Variants in COL11A1 observed in about 807,000 individuals in gnomAD.
COL11A1 encodes the protein collagen alpha-1(XI) chain.
COL11A1 carries 74 observed loss-of-function variants against 265.2 expected under a neutral mutation model. The ratio of observed to expected loss-of-function variants is 0.28; its 90% CI spans 0.23 to 0.34. COL11A1 has a LOEUF of 0.34. Among genes scored for constraint, COL11A1 ranks in the 10% least tolerant of loss-of-function variants. The pLI is 1.00. For synonymous variants in COL11A1, 816 were observed against 727.6 expected (o/e 1.12, Z -1.96); for missense variants, 2,165 against 2,263.6 (o/e 0.96, Z 0.88).
At chr1:102,946,777 A>C (rs536502974) in intron 42 of COL11A1, 72 bp downstream of exon 42, 3 of 1,207,220 alleles carry the variant, frequency 2.5e-6, no homozygotes, top group Admixed American at 3.8e-5. Flanking sequence ...TGAAAAGCTA[A>C]TATTATTGAA....
intron 46 of COL11A1, 93 bp downstream of exon 46, chr1:102,934,356 A>T (rs1057215354): frequency 1.1e-6 from 1 of 917,710 alleles, no homozygotes; most frequent in Non-Finnish European, 1.8e-6. Context: ...TTACGTAGAA[A>T]AAAAGAAAAA....
rs779307500 is a variant in COL11A1, at chr1:102,914,675, C to T, written c.3924+29G>A. ...CTCCAAGGTGAGTTTGGCATAAATG[C>T]CACATTAGAGGGGACCAAACTCACT... On this transcript the variant is annotated intron_variant, in intron 51 of 66. Transcript: ENST00000370096. 44 of 1,537,496 alleles carry T rather than the reference C, an allele frequency of 2.9e-5. No homozygotes were observed. In the Admixed American group the frequency reaches 7.3e-4, roughly 25 times the overall value.
chr1:103,063,517 C>A (rs2102213109), intron 4 of COL11A1, among the ~76,000 whole-genome samples: 1 of 151,910 alleles, frequency 6.6e-6, no homozygotes, highest in Middle Eastern at 3.4e-3. Flanking sequence ...CAGCCACATG[C>A]AAAAAAATAT....
At chr1:102,903,880 C>T (rs568784374) in intron 54 of COL11A1, among the ~76,000 whole-genome samples, 173 of 152,208 alleles carry the variant, frequency 1.1e-3, no homozygotes, top group African/African-American at 3.9e-3. Flanking sequence ...TTCTTCTTTT[C>T]GACACAGGGT....
chr1:103,015,224 A>T (rs1009511892), intron 12 of COL11A1, among the ~76,000 whole-genome samples: 2 of 151,962 alleles, frequency 1.3e-5, no homozygotes, highest in African/African-American at 4.8e-5. Flanking sequence ...TTTTTTCCCA[A>T]AACACCAGGG....
At chr1:102,880,679 A>C (rs1650122696) in intron 65 of COL11A1, among the ~76,000 whole-genome samples, 2 of 151,866 alleles carry the variant, frequency 1.3e-5, no homozygotes, top group African/African-American at 2.4e-5. Context: ...TAACATATAC[A>C]CTTAAATTTG....
chr1:103,007,012 G>A (rs1571013387), intron 15 of COL11A1, among the ~76,000 whole-genome samples: 1 of 151,546 alleles, frequency 6.6e-6, no homozygotes, highest in East Asian at 1.9e-4. Flanking sequence ...TTTGTTGGAT[G>A]TTCTTTACTA....
At chr1:102,913,712 G>A in intron 52 of COL11A1, 22 bp from the exon 53 acceptor site, 2 of 1,608,298 alleles carry the variant, frequency 1.2e-6, no homozygotes, top group South Asian at 1.1e-5. Context: ...AATAAAATAT[G>A]AAGCAAGATA....
chr1:103,058,698 A>G (rs1178158913), intron 4 of COL11A1, among the ~76,000 whole-genome samples: 4 of 152,150 alleles, frequency 2.6e-5, no homozygotes, highest in Non-Finnish European at 4.4e-5. Flanking sequence ...AGGAGGAGAG[A>G]ATTTGAGAAT....
chr1:103,011,540 A>T (rs996735525), intron 14 of COL11A1, among the ~76,000 whole-genome samples: 1 of 152,052 alleles, frequency 6.6e-6, no homozygotes, highest in African/African-American at 2.4e-5. Flanking sequence ...ATACATGAAG[A>T]AAAACTATTA....
intron 54 of COL11A1, among the ~76,000 whole-genome samples, chr1:102,906,769 G>A: frequency 6.6e-6 from 1 of 151,596 alleles, no homozygotes; most frequent in East Asian, 1.9e-4. Flanking sequence ...TTTATGTTGA[G>A]GTAGAGTTAT....
At position 102,913,625 on chromosome 1, in the gene COL11A1, G is replaced by A. The variant is rs1356987698; in HGVS notation, c.4032+12C>T. 1.9e-6 allele frequency: 3 copies of A among 1,611,056 alleles called. No homozygotes were observed. Among genetic ancestry groups the A allele is most frequent in the Non-Finnish European group, 2.5e-6 (3 of 1,177,640 alleles). ...TGTAAAAACTTAAAAATAAATTAGT[G>A]CATTTACTCACCGGTTGACCAGGAT... On this transcript the variant is annotated intron_variant, in intron 53 of 66. Transcript: ENST00000370096.
chr1:103,065,437 A>G (rs559639574), intron 4 of COL11A1, among the ~76,000 whole-genome samples: 3 of 146,424 alleles, frequency 2.0e-5, no homozygotes, highest in East Asian at 4.5e-4. Context: ...GGAGAATGGC[A>G]TGAACCCGGG....
At position 102,921,567 on chromosome 1, in the gene COL11A1, G is replaced by A. The variant is rs748248761; in HGVS notation, c.3659C>T (p.Pro1220Leu). The change falls in exon 48 of 67, where the codon CCA (proline) becomes CTA (leucine). Residue 1220 changes from proline to leucine, a missense_variant. Physicochemically the swap from Pro to Leu is moderately conservative, Grantham distance 98. Coordinates refer to ENST00000370096, the MANE Select transcript of COL11A1 (RefSeq NM_001854.4). ...GCCTCTTGGGCCTGGAGGACCAGGT[G>A]GCCCCTGTAAGAGAGAAATATTGAG... Reference protein sequence around the residue: ...GENGDVGPMGPPGPPGPRGPQ... With the variant: ...GENGDVGPMGLPGPPGPRGPQ... 6.2e-7 allele frequency: 1 copy of A among 1,612,720 alleles called. No homozygotes were observed. Among genetic ancestry groups the A allele is most frequent in the Non-Finnish European group, 8.5e-7 (1 of 1,179,250 alleles).
chr1:103,091,589 A>G (rs1041755100), intron 1 of COL11A1, among the ~76,000 whole-genome samples: 1 of 152,114 alleles, frequency 6.6e-6, no homozygotes, highest in African/African-American at 2.4e-5. Context: ...TACATTAATT[A>G]CTACAGGACA....
chr1:103,030,633 T>A (rs1667905111), intron 5 of COL11A1, among the ~76,000 whole-genome samples: 1 of 151,460 alleles, frequency 6.6e-6, no homozygotes, highest in Non-Finnish European at 1.5e-5. Context: ...GCTTTTAAAT[T>A]TTCCTATGAG....
Position 102,877,760 on chromosome 1 carries a change from G to T in COL11A1, c.*259C>A. ...CTACAGCACCAAAGAAATTCAAATA[G>T]GAAAAGGAGAGTTGAGAATTGGGAA... On this transcript the variant is annotated 3_prime_UTR_variant, in exon 67 of 67. Transcript: ENST00000370096. The T allele has an allele frequency of 2.5e-6, 1 of 394,666 alleles. No individual in the cohort carries two copies. The highest frequency in any genetic ancestry group is 4.6e-6 in the Non-Finnish European group (1 of 215,948). 24.4% of individuals were successfully genotyped at this position (394,666 alleles called of 1,614,324 possible). A position where few individuals can be genotyped will look rare whatever the true frequency, so the allele number is the denominator to read the frequency against.
In COL11A1 at chr1:102,966,946, T is replaced by C. The variant is rs183255905; in HGVS notation, c.2863-1406A>G. Among the ~76,000 whole-genome samples, 100 of 152,284 alleles carry C rather than the reference T, an allele frequency of 6.6e-4. 1 individual carries two copies. The highest frequency in any genetic ancestry group is 2.4e-3 in the African/African-American group (99 of 41,542). On this transcript the variant is annotated intron_variant, in intron 37 of 66. Coordinates refer to ENST00000370096, the MANE Select transcript of COL11A1 (RefSeq NM_001854.4). The stretch of plus-strand genomic sequence containing the variant: ...CCTAACATGGAACTTGCTGAATGTA[T>C]CTTCTCCTTTGATTTTCCTTCTATG...
chr1:103,014,655 G>T, intron 12 of COL11A1, 61 bp from the exon 13 acceptor site: 1 of 1,397,570 alleles, frequency 7.2e-7, no homozygotes. Context: ...TGAATTACGT[G>T]CTTTGATCAT....
Sources: allele counts gnomAD v4.1 joint callset (sites outside exome capture counted in the v4.1 genomes callset), GRCh38; gene constraint gnomAD v4.1.1; transcripts MANE v1.5; gene names NCBI Gene and HGNC (gene_info 2026-07-23, HGNC 2026-07-21).